NPAS3: variants seen among roughly 807,000 people sequenced by gnomAD.
The protein encoded by NPAS3 is neuronal PAS domain protein 3, also known as neuronal PAS domain-containing protein 3.
Under a neutral mutation model 73.1 loss-of-function variants are expected in NPAS3, and 14 were observed. The observed-to-expected ratio is 0.19, with a 90% confidence interval of 0.13 to 0.30. The LOEUF (loss-of-function observed/expected upper bound fraction) is 0.30, where lower values mean the gene tolerates loss of function less well. Ranked by LOEUF, NPAS3 falls within the 10% of genes least tolerant of loss-of-function variation. The pLI, the probability that NPAS3 is intolerant of heterozygous loss-of-function variation, is 1.00. For missense variants in NPAS3, 1,096 were observed against 1,250.0 expected, an observed-to-expected ratio of 0.88 and a Z score of 1.86; for synonymous variants, 620 against 541.5, an observed-to-expected ratio of 1.14 and a Z score of -2.01.
At chr14:33,529,998 C>T (rs1176956980) in intron 4 of NPAS3, among the ~76,000 whole-genome samples, 1 of 152,140 alleles carries the variant, frequency 6.6e-6, no homozygotes, top group East Asian at 1.9e-4. Context: ...GGTGAACAGG[C>T]CTTGGAACAG....
At chr14:33,606,513 T>G (rs181783545) in intron 5 of NPAS3, among the ~76,000 whole-genome samples, 4 of 152,146 alleles carry the variant, frequency 2.6e-5, no homozygotes, top group Admixed American at 2.6e-4. Flanking sequence ...TTTCAACAAG[T>G]TGTGCTGGAA....
chr14:33,338,631 A>G (rs371566173), intron 3 of NPAS3, among the ~76,000 whole-genome samples: 13 of 152,064 alleles, frequency 8.5e-5, no homozygotes, highest in African/African-American at 2.9e-4. Flanking sequence ...TCTTTTTTCT[A>G]TCTGCGTAGT....
At chr14:33,801,201 C>A, downstream of NPAS3, 1 of 1,505,528 alleles carries the variant, frequency 6.6e-7, no homozygotes, top group Admixed American at 2.4e-5. Flanking sequence ...ACTTTGAATT[C>A]GAGCAGGTCA....
chr14:33,406,115 T>C (rs938793036), intron 4 of NPAS3, among the ~76,000 whole-genome samples: 21 of 152,212 alleles, frequency 1.4e-4, no homozygotes, highest in African/African-American at 4.8e-4. Context: ...ATGTCATCAG[T>C]GTCTTGATAA....
chr14:33,235,765 A>G (rs983749877), intron 3 of NPAS3, among the ~76,000 whole-genome samples: 3 of 147,500 alleles, frequency 2.0e-5, no homozygotes, highest in Admixed American at 1.4e-4. Flanking sequence ...GTGCAAGTAC[A>G]TCTTGCGTAC....
chr14:33,670,850 G>A (rs1386553889), intron 5 of NPAS3, among the ~76,000 whole-genome samples: 1 of 150,990 alleles, frequency 6.6e-6, no homozygotes, highest in Non-Finnish European at 1.5e-5. Context: ...TAAGGGAGTG[G>A]GGCCTGGATG....
At chr14:33,319,550 T>C (rs996076423) in intron 3 of NPAS3, among the ~76,000 whole-genome samples, 7 of 152,138 alleles carry the variant, frequency 4.6e-5, no homozygotes, top group African/African-American at 1.7e-4. Context: ...TGTGAGGCAC[T>C]GTGCTGGTTA....
chr14:33,696,384 A>G (rs2060381148), intron 6 of NPAS3, among the ~76,000 whole-genome samples: 1 of 152,180 alleles, frequency 6.6e-6, no homozygotes, highest in South Asian at 2.1e-4. Flanking sequence ...CACTTTCGTC[A>G]CCCACAAAAT....
chr14:33,544,019 T>C (rs2054662815), intron 4 of NPAS3, among the ~76,000 whole-genome samples: 1 of 114,262 alleles, frequency 8.8e-6, no homozygotes, highest in Non-Finnish European at 1.8e-5. Context: ...CAGGAATAGG[T>C]GCTGAGGATT....
In NPAS3 at chr14:33,475,706, G is replaced by T. The variant is rs73265045; in HGVS notation, c.469-84415G>T. Among the ~76,000 whole-genome samples the T allele has an allele frequency of 3.5e-3, 538 of 152,222 alleles. 1 individual carries two copies. The highest frequency in any genetic ancestry group is 0.017 in the Middle Eastern group (5 of 294). ...CTTTGACAACAGCATTTCTAGTTCT[G>T]GTTTGGAGAGTTGGGGTTAAAGGTA... On this transcript the variant is annotated intron_variant, in intron 4 of 11. Coordinates refer to ENST00000356141, the Ensembl canonical transcript of NPAS3.
At chr14:33,102,252 T>C (rs2042598939) in intron 2 of NPAS3, among the ~76,000 whole-genome samples, 1 of 151,948 alleles carries the variant, frequency 6.6e-6, no homozygotes, top group Admixed American at 6.6e-5. Context: ...TAGAACAGAG[T>C]ACACAAGTAA....
At chr14:33,661,091 T>C (rs1294715139) in intron 5 of NPAS3, among the ~76,000 whole-genome samples, 1 of 71,880 alleles carries the variant, frequency 1.4e-5, no homozygotes, top group Non-Finnish European at 2.4e-5. Flanking sequence ...GTATGATCAG[T>C]AAAAGGAAAA....
intron 1 of NPAS3, among the ~76,000 whole-genome samples, chr14:33,022,017 CA>C (rs1291754550): frequency 1.1e-4 from 17 of 152,304 alleles, no homozygotes; most frequent in African/African-American, 4.1e-4. Flanking sequence ...GCAGGCTGGA[CA>C]TTCCAACCTG....
chr14:33,429,402 T>C (rs1266579558), intron 4 of NPAS3, among the ~76,000 whole-genome samples: 2 of 152,110 alleles, frequency 1.3e-5, no homozygotes, highest in Non-Finnish European at 1.5e-5. Context: ...TAGGGACTTG[T>C]ACTGTAGAGA....
chr14:33,456,014 A>G (rs923048521), intron 4 of NPAS3, among the ~76,000 whole-genome samples: 1 of 152,256 alleles, frequency 6.6e-6, no homozygotes, highest in African/African-American at 2.4e-5. Context: ...TTCTGCAGGC[A>G]GTAATCATTT....
chr14:33,442,274 C>A (rs2049285114), intron 4 of NPAS3, among the ~76,000 whole-genome samples: 1 of 152,140 alleles, frequency 6.6e-6, no homozygotes, highest in African/African-American at 2.4e-5. Context: ...AGATCTCAGT[C>A]ATAAGAATGA....
intron 2 of NPAS3, among the ~76,000 whole-genome samples, chr14:33,170,567 A>G (rs2045352113): frequency 6.6e-6 from 1 of 152,234 alleles, no homozygotes; most frequent in Non-Finnish European, 1.5e-5. Flanking sequence ...TAAAACTTCT[A>G]TCAAAATTGT....
chr14:33,439,931 G>T (rs1281256291), intron 4 of NPAS3, among the ~76,000 whole-genome samples: 1 of 151,802 alleles, frequency 6.6e-6, no homozygotes, highest in Non-Finnish European at 1.5e-5. Flanking sequence ...CTGGCTAACA[G>T]GGTGAAACCC....
chr14:33,681,326 T>C (rs1431631739), intron 6 of NPAS3, among the ~76,000 whole-genome samples: 3 of 151,738 alleles, frequency 2.0e-5, no homozygotes, highest in African/African-American at 7.3e-5. Flanking sequence ...TCAAGATTTC[T>C]ATCAATGAAC....
Sources: allele counts gnomAD v4.1 joint callset (sites outside exome capture counted in the v4.1 genomes callset), GRCh38; gene constraint gnomAD v4.1.1; transcripts MANE v1.5; gene names NCBI Gene and HGNC (gene_info 2026-07-23, HGNC 2026-07-21).